CTNNA3: variants seen among roughly 807,000 people sequenced by gnomAD.
The protein encoded by CTNNA3 is catenin alpha-3.
A neutral mutation model predicts 95.7 loss-of-function variants in CTNNA3; 76 were observed. The observed-to-expected ratio is 0.79, with a 90% CI of 0.66 to 0.96. The LOEUF is 0.96. Ranked by LOEUF, CTNNA3 falls within the 40% of genes least tolerant of loss-of-function variation. The pLI, the probability that CTNNA3 is intolerant of heterozygous loss-of-function variation, is 0.00. For missense variants in CTNNA3, 1,191 were observed against 1,089.8 expected (o/e 1.09, Z -1.31); for synonymous variants, 431 against 374.4 (o/e 1.15, Z -1.74).
chr10:67,147,352 C>T (rs1259700433), intron 7 of CTNNA3, among the ~76,000 whole-genome samples: 2 of 152,178 alleles, frequency 1.3e-5, no homozygotes, highest in African/African-American at 2.4e-5. Context: ...AATAATAACA[C>T]CTATCTCACA....
At chr10:66,058,076 C>T (rs559163902) in intron 15 of CTNNA3, among the ~76,000 whole-genome samples, 9 of 152,244 alleles carry the variant, frequency 5.9e-5, no homozygotes, top group African/African-American at 9.6e-5. Flanking sequence ...ATTTAAATTG[C>T]TATTGTCATT....
At chr10:67,522,867 C>A (rs112535951) in intron 4 of CTNNA3, among the ~76,000 whole-genome samples, 6 of 152,058 alleles carry the variant, frequency 3.9e-5, no homozygotes, top group Non-Finnish European at 8.8e-5. Flanking sequence ...TGCATTTGCT[C>A]TCTCTTTATG....
chr10:67,314,963 C>T (rs978637021), intron 5 of CTNNA3, among the ~76,000 whole-genome samples: 1 of 152,206 alleles, frequency 6.6e-6, no homozygotes. Flanking sequence ...TTTGACACAG[C>T]TGGTCACTTT....
intron 12 of CTNNA3, among the ~76,000 whole-genome samples, chr10:66,328,953 TA>T (rs1484502953): frequency 8.4e-6 from 1 of 119,158 alleles, no homozygotes; most frequent in African/African-American, 3.2e-5. Flanking sequence ...CATATAAATA[TA>T]ATTTTTTTTT....
intron 7 of CTNNA3, among the ~76,000 whole-genome samples, chr10:67,131,087 C>T (rs555228655): frequency 5.9e-5 from 9 of 152,014 alleles, no homozygotes; most frequent in South Asian, 4.1e-4. Context: ...TTATTTTTCA[C>T]TCTTCTTCCC....
chr10:66,576,725 T>C (rs1256170573), intron 10 of CTNNA3, among the ~76,000 whole-genome samples: 1 of 152,046 alleles, frequency 6.6e-6, no homozygotes. Flanking sequence ...CTTTATCTGG[T>C]CCACTGTCAA....
intron 5 of CTNNA3, among the ~76,000 whole-genome samples, chr10:67,279,742 C>T (rs1401102290): frequency 6.7e-6 from 1 of 150,242 alleles, no homozygotes; most frequent in Non-Finnish European, 1.5e-5. Context: ...TTCTACTTTC[C>T]TTTCACAAAA....
At chr10:67,575,497 T>C (rs983164833) in intron 3 of CTNNA3, among the ~76,000 whole-genome samples, 1 of 152,162 alleles carries the variant, frequency 6.6e-6, no homozygotes, top group East Asian at 1.9e-4. Flanking sequence ...AAAGCCCTCA[T>C]TTTATGACTT....
At chr10:66,859,355 G>T (rs1267135575) in intron 7 of CTNNA3, among the ~76,000 whole-genome samples, 1 of 151,394 alleles carries the variant, frequency 6.6e-6, no homozygotes, top group Admixed American at 6.6e-5. Context: ...AGTGGGCGAA[G>T]GACATGAACA....
intron 12 of CTNNA3, among the ~76,000 whole-genome samples, chr10:66,332,567 G>A (rs992507499): frequency 1.2e-4 from 18 of 151,862 alleles, no homozygotes; most frequent in African/African-American, 3.9e-4. Flanking sequence ...TTTCATCCCC[G>A]GCATGAAGCC....
chr10:66,554,432 T>A (rs199693326), intron 10 of CTNNA3, among the ~76,000 whole-genome samples: 4,316 of 116,698 alleles, frequency 0.037, 217 homozygotes, highest in African/African-American at 0.11. Flanking sequence ...TTAAAAAAAA[T>A]AATTCTTTTT....
At chr10:65,931,084 G>C (rs964769613) in intron 17 of CTNNA3, among the ~76,000 whole-genome samples, 2 of 152,042 alleles carry the variant, frequency 1.3e-5, no homozygotes, top group African/African-American at 4.8e-5. Flanking sequence ...CAGGGTCTTT[G>C]AAGATTCAAC....
At chr10:67,312,645 A>G (rs1840860173) in intron 5 of CTNNA3, among the ~76,000 whole-genome samples, 1 of 152,242 alleles carries the variant, frequency 6.6e-6, no homozygotes, top group African/African-American at 2.4e-5. Context: ...TCTGAGGACG[A>G]TAGCCATTGA....
At chr10:66,032,070 C>G (rs1240232990) in intron 15 of CTNNA3, among the ~76,000 whole-genome samples, 1 of 151,982 alleles carries the variant, frequency 6.6e-6, no homozygotes, top group Non-Finnish European at 1.5e-5. Context: ...AACAGCTAAA[C>G]ATAAAAGTAG....
chr10:66,919,235 C>T (rs907260313), intron 7 of CTNNA3, among the ~76,000 whole-genome samples: 7 of 151,030 alleles, frequency 4.6e-5, no homozygotes, highest in Non-Finnish European at 8.8e-5. Context: ...GTGTGAGTAT[C>T]GACGAAATAA....
In CTNNA3 at chr10:66,880,865, C is replaced by T. The variant is rs369664825; in HGVS notation, c.1048-105341G>A. Among the ~76,000 whole-genome samples, 26 of 152,230 alleles carry T rather than the reference C, an allele frequency of 1.7e-4. No individual in the cohort carries two copies. In the South Asian group the frequency reaches 5.4e-3, roughly 32 times the overall value. ...AGAACTACACGTAACCCTGAAGTTA[C>T]AGCCTTACAACTCTTAGGAAGTTCT... On this transcript the variant is annotated intron_variant, in intron 7 of 17. Transcript: ENST00000433211.
chr10:66,655,538 G>A (rs774311421), intron 9 of CTNNA3, among the ~76,000 whole-genome samples: 12 of 152,040 alleles, frequency 7.9e-5, no homozygotes, highest in Non-Finnish European at 5.9e-5. Flanking sequence ...TGCCAGGAGG[G>A]AATATTCCAG....
At chr10:67,331,838 A>C (rs12098695) in intron 5 of CTNNA3, among the ~76,000 whole-genome samples, 132 of 152,308 alleles carry the variant, frequency 8.7e-4, no homozygotes, top group African/African-American at 3.1e-3. Flanking sequence ...ACCCTAAGGA[A>C]AATTTCAAAC....
intron 5 of CTNNA3, among the ~76,000 whole-genome samples, chr10:67,464,088 C>T (rs2133003752): frequency 6.6e-6 from 1 of 152,262 alleles, no homozygotes; most frequent in Non-Finnish European, 1.5e-5. Flanking sequence ...TTACCTAAAA[C>T]AAAACATTGA....
Sources: allele counts gnomAD v4.1 joint callset (sites outside exome capture counted in the v4.1 genomes callset), GRCh38; gene constraint gnomAD v4.1.1; transcripts MANE v1.5; gene names NCBI Gene and HGNC (gene_info 2026-07-23, HGNC 2026-07-21).